Variants in LDB3 observed in about 807,000 individuals in gnomAD.
The protein encoded by LDB3 is LIM domain binding 3, also known as LIM domain-binding protein 3.
In LDB3, 49 loss-of-function variants were observed where a neutral mutation model predicts 69.0. The observed-to-expected ratio is 0.71, with a 90% confidence interval of 0.56 to 0.90. The LOEUF is 0.90. Among genes scored for constraint, LDB3 ranks in the 40% least tolerant of loss-of-function variants. The probability of loss-of-function intolerance (pLI) is 0.00; values close to 1 mark genes in which losing one functional copy is unlikely to be tolerated. For missense variants in LDB3, 928 were observed against 974.1 expected (o/e 0.95, Z 0.63); for synonymous variants, 387 against 396.2 (o/e 0.98, Z 0.28).
intron 13 of LDB3, among the ~76,000 whole-genome samples, chr10:86,729,565 G>A (rs1361492939): frequency 2.6e-5 from 4 of 152,108 alleles, no homozygotes; most frequent in Admixed American, 1.3e-4. Flanking sequence ...GTCCATGGTC[G>A]CTACCCTTTT....
At chr10:86,711,174 G>A (rs372053082) in intron 9 of LDB3, among the ~76,000 whole-genome samples, 1 of 152,312 alleles carries the variant, frequency 6.6e-6, no homozygotes, top group East Asian at 1.9e-4. Flanking sequence ...AGGCCTTGCC[G>A]GGGCACAAGG....
At chr10:86,687,394 G>A in intron 5 of LDB3, 1 of 969,666 alleles carries the variant, frequency 1.0e-6, no homozygotes, top group Non-Finnish European at 1.6e-6. Flanking sequence ...CATGGCCCTT[G>A]GAGGGGAGCC....
intron 5 of LDB3, among the ~76,000 whole-genome samples, chr10:86,688,620 C>T (rs1845615556): frequency 6.6e-6 from 1 of 152,176 alleles, no homozygotes; most frequent in South Asian, 2.1e-4. Flanking sequence ...TATGACCATG[C>T]AAGTTTACAA....
intron 7 of LDB3, 60 bp downstream of exon 7, chr10:86,692,631 G>A (rs1445477146): frequency 8.0e-6 from 12 of 1,491,780 alleles, no homozygotes; most frequent in Middle Eastern, 1.7e-4. Context: ...TCCCCGGGCA[G>A]CCCCCAGGTC....
intron 9 of LDB3, among the ~76,000 whole-genome samples, chr10:86,711,647 A>G (rs1427599824): frequency 1.3e-5 from 2 of 151,682 alleles, no homozygotes; most frequent in African/African-American, 2.4e-5. Context: ...CCGCGGCCGC[A>G]GCCGCAGCTC....
intron 13 of LDB3, among the ~76,000 whole-genome samples, chr10:86,728,180 A>G (rs1386346718): frequency 6.6e-6 from 1 of 152,160 alleles, no homozygotes; most frequent in Non-Finnish European, 1.5e-5. Flanking sequence ...CACTGCCTGC[A>G]CATCTGGTTA....
chr10:86,714,553 C>CTTT (rs11306108), intron 9 of LDB3, among the ~76,000 whole-genome samples: 3 of 124,160 alleles, frequency 2.4e-5, no homozygotes, highest in East Asian at 2.7e-4. Flanking sequence ...AAGGTATTAT[C>CTTT]TTTTTTTTTT....
At position 86,672,858 on chromosome 10, in the gene LDB3, C is replaced by A. The variant is rs77461078; in HGVS notation, c.93+4074C>A. On this transcript the variant is annotated intron_variant, in intron 2 of 13. Coordinates refer to ENST00000361373, the MANE Select transcript of LDB3 (RefSeq NM_007078.3). ...CGTGCAAGGGCAGCTGCATAAGCAG[C>A]CCCAGGGCTCCGGGCCTACAGATAT... Among the ~76,000 whole-genome samples the A allele has an allele frequency of 7.0e-3, 1,062 of 152,368 alleles. 18 individuals carry two copies. The highest frequency in any genetic ancestry group is 0.024 in the African/African-American group (1,009 of 41,586).
At chr10:86,706,809 AG>A in intron 8 of LDB3, 90 bp downstream of exon 8, 8 of 1,399,968 alleles carry the variant, frequency 5.7e-6, no homozygotes, top group Non-Finnish European at 7.8e-6. Context: ...GCTGTGTCCA[AG>A]GTAGTTAGGG....
At chr10:86,688,275 A>C (rs1845600157) in intron 5 of LDB3, among the ~76,000 whole-genome samples, 1 of 152,142 alleles carries the variant, frequency 6.6e-6, no homozygotes, top group Non-Finnish European at 1.5e-5. Context: ...AAGCCAGAAA[A>C]ACCGATGTAA....
intron 2 of LDB3, among the ~76,000 whole-genome samples, chr10:86,671,658 T>C (rs1349841933): frequency 1.3e-5 from 2 of 152,212 alleles, no homozygotes; most frequent in Non-Finnish European, 2.9e-5. Context: ...CCCTGGCAGC[T>C]GGCCAGAGGC....
In LDB3 at chr10:86,716,417, C is replaced by G. The variant is rs1445285673; in HGVS notation, c.1322C>G (p.Pro441Arg). 1.4e-5 allele frequency: 21 copies of G among 1,551,204 alleles called. No individual in the cohort carries two copies. Among genetic ancestry groups the G allele is most frequent in the Non-Finnish European group, 1.7e-5 (20 of 1,146,990 alleles). ...CCTGCCCCTGCCTACACCCCCTCCC[C>G]TGCCCCTGCCTACACCCCCTCACCT... ...PSPAPAYTPS[P>R]APAYTPSPVP... Residue 441 changes from proline to arginine, a missense_variant, in exon 10 of 14, where the codon CCT (proline) becomes CGT (arginine). Pro to Arg is a moderately radical substitution (Grantham distance 103). Coordinates refer to ENST00000361373, the MANE Select transcript of LDB3 (RefSeq NM_007078.3).
Position 86,680,592 on chromosome 10 carries a change from C to T in LDB3, c.321+435C>T, listed in dbSNP as rs374976452. Among the ~76,000 whole-genome samples, 7 of 152,322 alleles carry T rather than the reference C, an allele frequency of 4.6e-5. No individual in the cohort carries two copies. In the South Asian group the frequency reaches 8.3e-4, roughly 18 times the overall value. ...CTCCAGGTGTGGAGGGGCCTGCTGG[C>T]CTCACCCAGATCTCTCCCTCTGGTT... On this transcript the variant is annotated intron_variant, in intron 4 of 13. Transcript: ENST00000361373.
At chr10:86,704,898 T>C (rs1233462514) in intron 7 of LDB3, among the ~76,000 whole-genome samples, 1 of 151,890 alleles carries the variant, frequency 6.6e-6, no homozygotes, top group Non-Finnish European at 1.5e-5. Flanking sequence ...TGTTTCTTAG[T>C]AGAGACAAGG....
At chr10:86,707,821 G>A (rs1035810380) in intron 8 of LDB3, among the ~76,000 whole-genome samples, 6 of 152,228 alleles carry the variant, frequency 3.9e-5, no homozygotes, top group Non-Finnish European at 2.9e-5. Context: ...ACTCAAGCCT[G>A]AAGGAGGAGC....
chr10:86,699,567 G>A lies in LDB3; in HGVS notation c.897-6964G>A. 1 of 1,447,124 alleles carries A rather than the reference G, an allele frequency of 6.9e-7. No individual in the cohort carries two copies. Among genetic ancestry groups the A allele is most frequent in the Middle Eastern group, 2.6e-4 (1 of 3,920 alleles). The allele number at this position is 1,447,124 out of a possible 1,614,324, so 89.6% of individuals were successfully genotyped here. A position where few individuals can be genotyped will look rare whatever the true frequency, so the allele number is the denominator to read the frequency against. ...TGATGCTGGGGCCCAGCCCCCTGCA[G>A]CTCTGTACCCACCAAACCTCCCCAG... On this transcript the variant is annotated intron_variant, in intron 7 of 13. Coordinates refer to ENST00000361373, the MANE Select transcript of LDB3 (RefSeq NM_007078.3). The surrounding 1 kb of genome is among the most constrained non-coding windows in gnomAD (Gnocchi z 4.9).
chr10:86,671,022 GGGAGGCATGGCCAGAGCTCTCT>G (rs1438733714), intron 2 of LDB3, among the ~76,000 whole-genome samples: 106 of 152,208 alleles, frequency 7.0e-4, no homozygotes, highest in African/African-American at 2.4e-3. Context: ...CCCCCTACGG[GGGAGGCATGGCCAGAGCTCTCT>G]GGAGGAACCC....
chr10:86,682,363 T>G (rs1845203972), intron 5 of LDB3, among the ~76,000 whole-genome samples: 1 of 151,714 alleles, frequency 6.6e-6, no homozygotes, highest in South Asian at 2.1e-4. Context: ...TTTGCAGGAG[T>G]GACCTTGGCC....
At chr10:86,694,927 A>C (rs1038226664) in intron 7 of LDB3, among the ~76,000 whole-genome samples, 1 of 152,146 alleles carries the variant, frequency 6.6e-6, no homozygotes, top group Non-Finnish European at 1.5e-5. Flanking sequence ...CTCCTGGCCC[A>C]TCTTGTTGGC....
Sources: allele counts gnomAD v4.1 joint callset (sites outside exome capture counted in the v4.1 genomes callset), GRCh38; gene constraint gnomAD v4.1.1; non-coding constraint Gnocchi (gnomAD v3.1); transcripts MANE v1.5; gene names NCBI Gene and HGNC (gene_info 2026-07-23, HGNC 2026-07-21).